The following PIP5K1A variants were observed in gnomAD, a reference collection of about 807,000 sequenced individuals.
PIP5K1A encodes phosphatidylinositol-4-phosphate 5-kinase type 1 alpha.
PIP5K1A carries 46 observed loss-of-function variants against 72.9 expected under a neutral mutation model. The observed-to-expected ratio is 0.63, with a 90% CI of 0.50 to 0.81. PIP5K1A has a LOEUF of 0.81. Among genes scored for constraint, PIP5K1A ranks in the 30% least tolerant of loss-of-function variants. PIP5K1A has a pLI of 0.00. For missense variants in PIP5K1A, 458 were observed against 706.1 expected, an observed-to-expected ratio of 0.65 and a Z score of 3.98; for synonymous variants, 228 against 255.1, an observed-to-expected ratio of 0.89 and a Z score of 1.01.
At chr1:151,236,786 G>T in intron 9 of PIP5K1A, 23 bp downstream of exon 9, 1 of 1,529,328 alleles carries the variant, frequency 6.5e-7, no homozygotes, top group Non-Finnish European at 9.1e-7. Context: ...AGGGCCACTA[G>T]GGGGGAGAAC....
At chr1:151,219,603 A>C (rs1214132429) in intron 1 of PIP5K1A, among the ~76,000 whole-genome samples, 1 of 151,958 alleles carries the variant, frequency 6.6e-6, no homozygotes, top group East Asian at 1.9e-4. Flanking sequence ...CTGAGGCAGG[A>C]GAATCTCTTG....
Position 151,247,941 on chromosome 1 carries a change from A to G in PIP5K1A, c.*76A>G, listed in dbSNP as rs191830769. 6.8e-6 allele frequency: 9 copies of G among 1,323,930 alleles called. No homozygotes were observed. In the Admixed American group the frequency reaches 8.4e-5, roughly 12 times the overall value. The allele number at this position is 1,323,930 out of a possible 1,614,324, so 82.0% of individuals were successfully genotyped here. ...CAAGATGTCAGCCCTTGCCCCAGCA[A>G]TGCTGAATTTTCTTCTACTTGGTCA... On this transcript the variant is annotated 3_prime_UTR_variant, in exon 16 of 16. Transcript: ENST00000368888.
intron 4 of PIP5K1A, among the ~76,000 whole-genome samples, chr1:151,229,252 T>A (rs1344428235): frequency 2.0e-5 from 3 of 150,318 alleles, no homozygotes; most frequent in Admixed American, 6.6e-5. Context: ...AGTGGGTGCG[T>A]TGATGGCACA....
chr1:151,216,364 A>C (rs1570822488), intron 1 of PIP5K1A, among the ~76,000 whole-genome samples: 1 of 151,984 alleles, frequency 6.6e-6, no homozygotes, highest in South Asian at 2.1e-4. Context: ...AAAAAAAAAA[A>C]AACAGTTGCA....
chr1:151,242,484 G>A lies in PIP5K1A; in HGVS notation c.1557G>A (p.Leu519=). 3.1e-6 allele frequency: 5 copies of A among 1,613,904 alleles called. No homozygotes were observed. Among genetic ancestry groups the A allele is most frequent in the Non-Finnish European group, 4.2e-6 (5 of 1,179,864 alleles). Residue 519 remains leucine, a synonymous_variant, in exon 14 of 16, where the codon TTG becomes TTA. Transcript: ENST00000368888. ...ATGTTTTACCTCAGACTCCACCTTT[G>A]GAGGAAATCAGTGAGGGCTCGCCTA... ...RPDVLPQTPP[L]EEISEGSPIP... is the part of the protein sequence containing the mutation.
chr1:151,239,933 T>C (rs1691450275), intron 11 of PIP5K1A, 22 bp from the exon 12 acceptor site: 1 of 1,586,842 alleles, frequency 6.3e-7, no homozygotes, highest in Admixed American at 1.7e-5. Context: ...CCTAACTCTA[T>C]AGCATTTCTT....
intron 10 of PIP5K1A, among the ~76,000 whole-genome samples, chr1:151,238,838 T>TC (rs2101548192): frequency 6.6e-6 from 1 of 152,330 alleles, no homozygotes; most frequent in South Asian, 2.1e-4. Context: ...GCCCATCTGT[T>TC]CCTTCAGCTC....
rs762258781 is a variant in PIP5K1A, at chr1:151,247,976, G to C, written c.*111G>C. 5.9e-5 allele frequency: 55 copies of C among 939,736 alleles called. No individual in the cohort carries two copies. The highest frequency in any genetic ancestry group is 5.5e-4 in the Middle Eastern group (2 of 3,616). The allele number at this position is 939,736 out of a possible 1,614,324, so 58.2% of individuals were successfully genotyped here. A position where few individuals can be genotyped will look rare whatever the true frequency, so the allele number is the denominator to read the frequency against. ...TTCTTCTACTTGGTCATCAAAAAAG[G>C]AGTGTAATAGAAGTGAGGGGAGCTG... On this transcript the variant is annotated 3_prime_UTR_variant, in exon 16 of 16. Coordinates refer to ENST00000368888, the MANE Select transcript of PIP5K1A (RefSeq NM_001135638.2).
In PIP5K1A at chr1:151,234,590, T is replaced by A. The variant is rs141716719; in HGVS notation, c.939+94T>A. 1.3e-3 allele frequency: 1,191 copies of A among 940,922 alleles called. 8 individuals carry two copies. The African/African-American group carries it at 0.016, about 13-fold the overall frequency. 58.3% of individuals were successfully genotyped at this position (940,922 alleles called of 1,614,324 possible). A position where few individuals can be genotyped will look rare whatever the true frequency, so the allele number is the denominator to read the frequency against. On this transcript the variant is annotated intron_variant, in intron 8 of 15. Transcript: ENST00000368888. ...TTTGTGGGAGATGGAACTCTGTTCCTTAGCACTGTATGTCCTGGGCTGTAT... is the reference window on the plus strand; with the variant it reads ...TTTGTGGGAGATGGAACTCTGTTCCATAGCACTGTATGTCCTGGGCTGTAT...
At chr1:151,247,619 T>C (rs1397663578) in intron 15 of PIP5K1A, among the ~76,000 whole-genome samples, 2 of 151,994 alleles carry the variant, frequency 1.3e-5, no homozygotes, top group Non-Finnish European at 2.9e-5. Flanking sequence ...TAGAGCAGGG[T>C]TTCACCGTGT....
At position 151,234,503 on chromosome 1, in the gene PIP5K1A, T is replaced by C; in HGVS notation, c.939+7T>C. 1 of 1,611,982 alleles carries C rather than the reference T, an allele frequency of 6.2e-7. No individual in the cohort carries two copies. Among genetic ancestry groups the C allele is most frequent in the Non-Finnish European group, 8.5e-7 (1 of 1,178,032 alleles). On this transcript the variant is annotated splice_region_variant and intron_variant, in intron 8 of 15. Coordinates refer to ENST00000368888, the MANE Select transcript of PIP5K1A (RefSeq NM_001135638.2). ...CCTGCAGCGTGACTGTTTGGTGAGT[T>C]TGTTACTTAGACATCAAAAATCTCA...
chr1:151,219,401 AAGAG>A (rs1179011739), intron 1 of PIP5K1A, among the ~76,000 whole-genome samples: 3 of 149,096 alleles, frequency 2.0e-5, no homozygotes, highest in Non-Finnish European at 4.5e-5. Context: ...AAAAAAAAAG[AAGAG>A]GGCTGGCCCG....
intron 1 of PIP5K1A, among the ~76,000 whole-genome samples, chr1:151,205,520 A>G (rs1049645759): frequency 2.0e-5 from 3 of 151,530 alleles, no homozygotes; most frequent in Non-Finnish European, 4.4e-5. Context: ...AAAGAAGGGA[A>G]CAAGAGCCGG....
intron 1 of PIP5K1A, among the ~76,000 whole-genome samples, chr1:151,203,771 C>G (rs1015791955): frequency 2.0e-5 from 3 of 150,724 alleles, no homozygotes; most frequent in Non-Finnish European, 4.4e-5. Context: ...TTGCAGTGAG[C>G]TGAGATCACG....
chr1:151,247,757 C>T, intron 15 of PIP5K1A, 106 bp from the exon 16 acceptor site: 2 of 918,100 alleles, frequency 2.2e-6, no homozygotes, highest in East Asian at 2.6e-5. Flanking sequence ...TTTTTGGTAC[C>T]TCATACTTGG....
In PIP5K1A at chr1:151,234,281, G is replaced by A. The variant is rs751766379; in HGVS notation, c.724G>A (p.Val242Met). The change falls in exon 8 of 16, where the codon GTG becomes ATG. Residue 242 changes from valine (V) to methionine (M), a missense_variant. Coordinates refer to ENST00000368888, the MANE Select transcript of PIP5K1A (RefSeq NM_001135638.2). The part of the protein sequence containing the change: ...VQAGGKNIRI[V>M]VMNNLLPRSV... Reference sequence around the variant, plus strand: ...GGCAGGTGGCAAGAACATTCGGATTGTGGTGATGAACAATCTTTTACCAAG... The same window carrying A: ...GGCAGGTGGCAAGAACATTCGGATTATGGTGATGAACAATCTTTTACCAAG... The A allele has an allele frequency of 6.2e-7, 1 of 1,613,860 alleles. No homozygotes were observed. The highest frequency in any genetic ancestry group is 8.5e-7 in the Non-Finnish European group (1 of 1,179,772).
chr1:151,201,787 G>A (rs1462957587), intron 1 of PIP5K1A, among the ~76,000 whole-genome samples: 2 of 151,776 alleles, frequency 1.3e-5, no homozygotes, highest in South Asian at 4.2e-4. Flanking sequence ...GCTTGAACCC[G>A]GGAGGCAGAG....
Position 151,240,184 on chromosome 1 carries a change from G to C in PIP5K1A, c.1363+145G>C. The C allele has an allele frequency of 6.0e-6, 4 of 662,628 alleles. No homozygotes were observed. The South Asian group carries it at 6.7e-5, about 11-fold the overall frequency. 41.0% of individuals were successfully genotyped at this position (662,628 alleles called of 1,614,324 possible). A position where few individuals can be genotyped will look rare whatever the true frequency, so the allele number is the denominator to read the frequency against. On this transcript the variant is annotated intron_variant, in intron 12 of 15. Coordinates refer to ENST00000368888, the MANE Select transcript of PIP5K1A (RefSeq NM_001135638.2). ...CTACATCCCATGAGAGCCATTTCTTGTCCTTTGTGTTAGTCTGTCATAGTC... is the reference window on the plus strand; with the variant it reads ...CTACATCCCATGAGAGCCATTTCTTCTCCTTTGTGTTAGTCTGTCATAGTC...
chr1:151,202,549 T>G (rs1685349464), intron 1 of PIP5K1A, among the ~76,000 whole-genome samples: 1 of 152,134 alleles, frequency 6.6e-6, no homozygotes. Flanking sequence ...CTTGGCTCAT[T>G]GCAGCCTCAG....
Sources: gnomAD v4.1 joint callset for allele counts (sites outside exome capture counted in the v4.1 genomes callset) on GRCh38, gnomAD v4.1.1 for gene constraint, MANE v1.5 for transcripts, NCBI Gene and HGNC (gene_info 2026-07-23, HGNC 2026-07-21) for gene names.